The following PPEF1 variants were observed in gnomAD, a reference collection of about 807,000 sequenced individuals.
The protein encoded by PPEF1 is serine/threonine-protein phosphatase with EF-hands 1.
In PPEF1, 12 loss-of-function variants were observed where a neutral mutation model predicts 53.3. That is an observed-to-expected ratio of 0.23 (90% confidence interval 0.14 to 0.36). The LOEUF (loss-of-function observed/expected upper bound fraction) is 0.36. PPEF1 is among the 10% of genes least tolerant of loss of function. The probability of loss-of-function intolerance (pLI) is 1.00; values close to 1 mark genes in which losing one functional copy is unlikely to be tolerated. For missense variants in PPEF1, 334 were observed against 490.4 expected, an observed-to-expected ratio of 0.68 and a Z score of 3.01; for synonymous variants, 165 against 176.7, an observed-to-expected ratio of 0.93 and a Z score of 0.52.
intron 12 of PPEF1, among the ~76,000 whole-genome samples, chrX:18,810,333 G>GCACACACA (rs372609345): frequency 1.5e-4 from 15 of 102,172 alleles, no homozygotes; most frequent in Non-Finnish European, 2.9e-4. Flanking sequence ...CTCTCTCTGC[G>GCACACACA]CACACACACA....
At chrX:18,798,807 A>G (rs953473363) in intron 10 of PPEF1, among the ~76,000 whole-genome samples, 4 of 111,120 alleles carry the variant, frequency 3.6e-5, no homozygotes, top group South Asian at 3.8e-4. Context: ...TAGTTTTAGT[A>G]GAGGCAGGGT....
chrX:18,738,016 GTC>G (rs2045033759), intron 3 of PPEF1, among the ~76,000 whole-genome samples: 1 of 110,309 alleles, frequency 9.1e-6, no homozygotes, highest in African/African-American at 3.3e-5. Context: ...GCCTATGTGT[GTC>G]TCTGCACGTG....
intron 10 of PPEF1, among the ~76,000 whole-genome samples, chrX:18,793,483 A>C (rs2046360677): frequency 9.0e-6 from 1 of 111,373 alleles, no homozygotes; most frequent in South Asian, 3.7e-4. Context: ...AAATTTGTTG[A>C]GGCTTTTTTT....
chrX:18,745,722 T>C (rs2045317028), intron 3 of PPEF1, among the ~76,000 whole-genome samples: 1 of 111,938 alleles, frequency 8.9e-6, no homozygotes, highest in African/African-American at 3.2e-5. Flanking sequence ...ATTATTTAAA[T>C]TTATAAAGCG....
upstream of PPEF1, among the ~76,000 whole-genome samples, chrX:18,681,191 A>G (rs759430712): frequency 1.8e-5 from 2 of 111,914 alleles, no homozygotes; most frequent in South Asian, 7.6e-4. Context: ...GTTGGCCAGG[A>G]TGGTCTTGAT....
At chrX:18,724,777 G>T (rs745548253) in intron 1 of PPEF1, among the ~76,000 whole-genome samples, 1 of 110,964 alleles carries the variant, frequency 9.0e-6, no homozygotes, top group South Asian at 3.9e-4. Flanking sequence ...TGGGCAGGGT[G>T]GGGGGTTATG....
intron 3 of PPEF1, among the ~76,000 whole-genome samples, chrX:18,743,710 A>G (rs1311265659): frequency 1.8e-5 from 2 of 108,686 alleles, no homozygotes; most frequent in Admixed American, 2.0e-4. Context: ...CGGCCTCCCA[A>G]AGTGCTGGGA....
At chrX:18,706,217 G>GAAAA (rs761694284), upstream of PPEF1, among the ~76,000 whole-genome samples, 2 of 54,405 alleles carry the variant, frequency 3.7e-5, no homozygotes, top group African/African-American at 7.1e-5. Flanking sequence ...GACCCTGTCT[G>GAAAA]AAAAAAAAAA....
chrX:18,798,858 G>A (rs987537256), intron 10 of PPEF1, among the ~76,000 whole-genome samples: 9 of 111,111 alleles, frequency 8.1e-5, no homozygotes, highest in Admixed American at 1.9e-4. Context: ...TCCTGACCTC[G>A]TTCATGATCC....
chrX:18,739,903 C>G (rs764174359), intron 3 of PPEF1, among the ~76,000 whole-genome samples: 10 of 112,300 alleles, frequency 8.9e-5, no homozygotes, highest in African/African-American at 2.9e-4. Context: ...TAGCAGTGAG[C>G]GAGGCTCCGT....
intron 4 of PPEF1, among the ~76,000 whole-genome samples, chrX:18,753,257 A>T (rs1327759480): frequency 9.0e-6 from 1 of 111,156 alleles, no homozygotes; most frequent in Non-Finnish European, 1.9e-5. Context: ...TGTTCATCTC[A>T]TCTAAGTAAT....
intron 1 of PPEF1, among the ~76,000 whole-genome samples, chrX:18,710,217 GT>G (rs1441183235): frequency 2.7e-5 from 3 of 111,648 alleles, no homozygotes; most frequent in Non-Finnish European, 5.6e-5. Flanking sequence ...TTTTTATATT[GT>G]TGTAAGATAA....
At chrX:18,771,002 AGGTT>A (rs1231420123) in intron 6 of PPEF1, among the ~76,000 whole-genome samples, 2 of 112,445 alleles carry the variant, frequency 1.8e-5, no homozygotes, top group Non-Finnish European at 3.8e-5. Context: ...TGTGCAGTCA[AGGTT>A]GGGCACCATG....
upstream of PPEF1, among the ~76,000 whole-genome samples, chrX:18,680,777 C>G (rs1928855754): frequency 1.2e-5 from 1 of 81,727 alleles, no homozygotes; most frequent in Admixed American, 1.4e-4. Context: ...TCCCCCCACC[C>G]CACAAGAGTT....
chrX:18,683,125 G>A (rs774382361), intron 1 of PPEF1, among the ~76,000 whole-genome samples: 66 of 111,573 alleles, frequency 5.9e-4, no homozygotes, highest in Non-Finnish European at 9.4e-4. Context: ...CCTCCCCTCC[G>A]GGTCCCTCCC....
intron 10 of PPEF1, among the ~76,000 whole-genome samples, chrX:18,797,727 A>T (rs189763966): frequency 1.8e-5 from 2 of 111,377 alleles, no homozygotes; most frequent in East Asian, 5.6e-4. Context: ...TTTTAGACGG[A>T]GTCTCGTTCT....
At position 18,735,242 on chromosome X, in the gene PPEF1, A is replaced by G. The variant is rs746020258; in HGVS notation, c.235+1434A>G. On this transcript the variant is annotated intron_variant, in intron 3 of 15. Transcript: ENST00000470157. The stretch of plus-strand genomic sequence containing the variant: ...AATGGTATTGCCTAGGTTTTCTTCT[A>G]GGGTTTTTATGGTTTTAGGTCTAAC... Among the ~76,000 whole-genome samples, 983 of 111,655 alleles carry G rather than the reference A, an allele frequency of 8.8e-3. 12 individuals are homozygous for G. The highest frequency in any genetic ancestry group is 0.03 in the African/African-American group (932 of 30,753).
At position 18,713,420 on chromosome X, in the gene PPEF1, C is replaced by CTTTTTTTTTTTTTTTTTTTTTT. The variant is rs55997147; in HGVS notation, c.46+5612_46+5613insTTTTTTTTTTTTTTTTTTTTTT. On this transcript the variant is annotated intron_variant, in intron 1 of 15. Transcript: ENST00000470157. ...TTGTTCAGAGTATTCCCTTAAAATTCTTTTTTTTTTTTTTTTTTCTTTACT... is the reference window on the plus strand; with the variant it reads ...TTGTTCAGAGTATTCCCTTAAAATTCTTTTTTTTTTTTTTTTTTTTTTTTTTTTTTTTTTTTTTTTCTTTACT... 1.5e-4 allele frequency among the ~76,000 whole-genome samples: 12 copies of CTTTTTTTTTTTTTTTTTTTTTT among 77,515 alleles called. 1 individual carries two copies. Among genetic ancestry groups the CTTTTTTTTTTTTTTTTTTTTTT allele is most frequent in the African/African-American group, 4.4e-4 (9 of 20,298 alleles). 67.3% of individuals were successfully genotyped at this position (77,515 alleles called of 115,157 possible). A position where few individuals can be genotyped will look rare whatever the true frequency, so the allele number is the denominator to read the frequency against.
chrX:18,766,118 G>T (rs193079783), intron 6 of PPEF1, among the ~76,000 whole-genome samples: 1 of 109,169 alleles, frequency 9.2e-6, no homozygotes, highest in East Asian at 2.9e-4. Context: ...AAGCTGGAAA[G>T]GTAGTGTACT....
Sources: allele counts gnomAD v4.1 joint callset (sites outside exome capture counted in the v4.1 genomes callset), GRCh38; gene constraint gnomAD v4.1.1; transcripts MANE v1.5; gene names NCBI Gene and HGNC (gene_info 2026-07-23, HGNC 2026-07-21).